TMF1: variants seen among roughly 807,000 people sequenced by gnomAD.
The protein encoded by TMF1 is TATA element modulatory factor.
In TMF1, 71 loss-of-function variants were observed where a neutral mutation model predicts 126.5. The observed-to-expected ratio is 0.56, with a 90% CI of 0.46 to 0.68. TMF1 has a LOEUF of 0.68. Among genes scored for constraint, TMF1 ranks in the 30% least tolerant of loss-of-function variants. TMF1 has a pLI of 0.00. For missense variants in TMF1, 1,259 were observed against 1,253.2 expected (o/e 1.00, Z -0.07); for synonymous variants, 461 against 430.5 (o/e 1.07, Z -0.88).
chr3:69,042,584 T>TA (rs1263322282), intron 5 of TMF1: 1 of 640,368 alleles, frequency 1.6e-6, no homozygotes, highest in East Asian at 3.2e-5. Flanking sequence ...TACAGGGACT[T>TA]ACTTTTCTTT....
intron 8 of TMF1, among the ~76,000 whole-genome samples, chr3:69,036,694 C>T (rs11128108): frequency 0.33 from 49,417 of 152,006 alleles, 8,227 homozygotes; most frequent in East Asian, 0.43. Flanking sequence ...ATGTTTTACA[C>T]ATACAAAACT....
At chr3:69,044,648 T>C in intron 2 of TMF1, 53 bp from the exon 3 acceptor site, 1 of 1,144,500 alleles carries the variant, frequency 8.7e-7, no homozygotes, top group Admixed American at 2.2e-5. Flanking sequence ...AAAAAGACCA[T>C]TTTTACATGC....
Position 69,029,716 on chromosome 3 carries a change from C to T in TMF1, c.2594+99G>A, listed in dbSNP as rs1575810002. ...TTGGCCTCCCAATGTGCTGGGATTA[C>T]AGGCGTGAGCCACGGCGCCCGGCCC... is the stretch of plus-strand genomic sequence containing the variant. On this transcript the variant is annotated intron_variant, in intron 11 of 16. Coordinates refer to ENST00000398559, the MANE Select transcript of TMF1 (RefSeq NM_007114.3). 22 of 1,166,570 alleles carry T rather than the reference C, an allele frequency of 1.9e-5. No individual in the cohort carries two copies. The East Asian group carries it at 4.6e-4, about 24-fold the overall frequency. The allele number at this position is 1,166,570 out of a possible 1,614,324, so 72.3% of individuals were successfully genotyped here. A position where few individuals can be genotyped will look rare whatever the true frequency, so the allele number is the denominator to read the frequency against.
intron 5 of TMF1, chr3:69,040,521 T>C (rs1404024802): frequency 2.0e-5 from 3 of 152,248 alleles, no homozygotes; most frequent in East Asian, 1.9e-4. Context: ...CAGAAAGATA[T>C]GGAAGAGTTG....
intron 8 of TMF1, among the ~76,000 whole-genome samples, chr3:69,036,287 T>G: frequency 6.6e-6 from 1 of 151,814 alleles, no homozygotes. Flanking sequence ...AGGTGTATAA[T>G]CTATCAATAA....
In TMF1 at chr3:69,026,086, T is replaced by G. The variant is rs561748335; in HGVS notation, c.2769A>C (p.Pro923=). The change falls in exon 14 of 17, where the codon CCA becomes CCC. Residue 923 remains proline, a synonymous_variant. Transcript: ENST00000398559. ...QETIKEKERK[P]FSVSSTPTMS... is the part of the protein sequence containing the mutation. ...TGGTGGGAGTGCTAGAAACAGAAAATGGCTTGCGTTCCTTAGGGAGTAAAA... is the reference window on the plus strand; with the variant it reads ...TGGTGGGAGTGCTAGAAACAGAAAAGGGCTTGCGTTCCTTAGGGAGTAAAA... The G allele has an allele frequency of 6.2e-7, 1 of 1,613,624 alleles. No individual in the cohort carries two copies. The highest frequency in any genetic ancestry group is 8.5e-7 in the Non-Finnish European group (1 of 1,179,782).
intron 2 of TMF1, among the ~76,000 whole-genome samples, chr3:69,045,373 G>A (rs998285569): frequency 2.6e-5 from 4 of 151,794 alleles, no homozygotes; most frequent in Non-Finnish European, 5.9e-5. Flanking sequence ...CTGGAGAATC[G>A]CTTGAACCCA....
At chr3:69,027,679 TAA>T (rs11318005) in intron 13 of TMF1, among the ~76,000 whole-genome samples, 3,160 of 130,594 alleles carry the variant, frequency 0.024, 52 homozygotes, top group Middle Eastern at 0.043. Context: ...GCTGATGAAC[TAA>T]AAAAAAAAAA....
chr3:69,049,616 T>G (rs559257144), intron 1 of TMF1, among the ~76,000 whole-genome samples: 1 of 152,292 alleles, frequency 6.6e-6, no homozygotes, highest in African/African-American at 2.4e-5. Context: ...AAATGTGTGT[T>G]TTTTTAAGAA....
intron 5 of TMF1, chr3:69,042,520 G>A: frequency 1.9e-6 from 1 of 536,522 alleles, no homozygotes; most frequent in Non-Finnish European, 3.5e-6. Flanking sequence ...TAAATGACAG[G>A]CTCTTAAGAC....
chr3:69,023,217 T>G lies in TMF1; in HGVS notation c.3242A>C (p.Lys1081Thr). ...TCTTAAAAGTTCATCTATTTGAGTT[T>G]TGTACATATTTTTTACATCTTCGAG... ...LDLEDVKNMY[K>T]TQIDELLRQS... The change falls in exon 17 of 17, where the codon AAA becomes ACA. Residue 1081 changes from lysine to threonine, a missense_variant. Coordinates refer to ENST00000398559, the MANE Select transcript of TMF1 (RefSeq NM_007114.3). The G allele has an allele frequency of 1.9e-6, 3 of 1,611,442 alleles. No homozygotes were observed. The highest frequency in any genetic ancestry group is 2.5e-6 in the Non-Finnish European group (3 of 1,178,370).
At chr3:69,038,448 CT>C in intron 8 of TMF1, 115 bp downstream of exon 8, 1 of 1,196,930 alleles carries the variant, frequency 8.4e-7, no homozygotes, top group African/African-American at 1.5e-5. Context: ...ATCCAGTACT[CT>C]GAAATCTAAC....
chr3:69,049,529 C>T (rs1015847545), intron 1 of TMF1, among the ~76,000 whole-genome samples: 23 of 152,170 alleles, frequency 1.5e-4, no homozygotes, highest in Non-Finnish European at 1.5e-4. Flanking sequence ...TCCCACTCTC[C>T]AAGCCCACTC....
At chr3:69,043,680 C>T (rs979865237) in intron 4 of TMF1, 70 bp downstream of exon 4, 28 of 1,305,062 alleles carry the variant, frequency 2.1e-5, no homozygotes, top group African/African-American at 3.0e-5. Context: ...TATCAAAATA[C>T]GATGAATGCA....
intron 6 of TMF1, 78 bp downstream of exon 6, chr3:69,039,473 A>G: frequency 2.1e-6 from 3 of 1,454,058 alleles, no homozygotes; most frequent in Non-Finnish European, 2.8e-6. Context: ...ATCTTTTCAA[A>G]TGCTCCATAA....
At position 69,023,210 on chromosome 3, in the gene TMF1, T is replaced by C. The variant is rs746120702; in HGVS notation, c.3249A>G (p.Gln1083=). Residue 1083 remains glutamine (Q), a synonymous_variant, in exon 17 of 17, where the codon CAA becomes CAG. Transcript: ENST00000398559. ...GACTTTGTCTTAAAAGTTCATCTATTTGAGTTTTGTACATATTTTTTACAT... is the reference window on the plus strand; with the variant it reads ...GACTTTGTCTTAAAAGTTCATCTATCTGAGTTTTGTACATATTTTTTACAT... ...LEDVKNMYKT[Q]IDELLRQSLS The C allele has an allele frequency of 5.6e-6, 9 of 1,610,976 alleles. No individual in the cohort carries two copies. The African/African-American group carries it at 9.4e-5, about 17-fold the overall frequency.
intron 13 of TMF1, 111 bp from the exon 14 acceptor site, chr3:69,026,208 C>A: frequency 4.3e-6 from 3 of 691,948 alleles, no homozygotes; most frequent in South Asian, 1.9e-5. Context: ...TTTAAAAAAG[C>A]CACACTACAA....
chr3:69,042,971 C>A, intron 4 of TMF1, 59 bp from the exon 5 acceptor site: 1 of 1,188,706 alleles, frequency 8.4e-7, no homozygotes. Context: ...AAGTACAGTT[C>A]TCATTTCTCC....
At chr3:69,034,673 TATAA>T (rs1293109504) in intron 9 of TMF1, among the ~76,000 whole-genome samples, 1 of 152,194 alleles carries the variant, frequency 6.6e-6, no homozygotes, top group East Asian at 1.9e-4. Flanking sequence ...CTCTGCATGT[TATAA>T]ATGACTGAAA....
Sources: gnomAD v4.1 joint callset for allele counts (sites outside exome capture counted in the v4.1 genomes callset) on GRCh38, gnomAD v4.1.1 for gene constraint, MANE v1.5 for transcripts, NCBI Gene and HGNC (gene_info 2026-07-23, HGNC 2026-07-21) for gene names.